Variants in CTTN observed in about 807,000 individuals in gnomAD.
CTTN encodes cortactin.
In CTTN, 28 loss-of-function variants were observed where a neutral mutation model predicts 84.0. That is an observed-to-expected ratio of 0.33 (90% CI 0.25 to 0.46). The LOEUF is 0.46. Among genes scored for constraint, CTTN ranks in the 20% least tolerant of loss-of-function variants. CTTN has a pLI of 1.00. For missense variants in CTTN, 641 were observed against 723.8 expected (o/e 0.89, Z 1.31); for synonymous variants, 301 against 288.8 (o/e 1.04, Z -0.43).
chr11:70,436,291 C>T lies in CTTN; in HGVS notation c.*1129C>T. The T allele has an allele frequency of 1.3e-6, 2 of 1,598,202 alleles. No homozygotes were observed. The highest frequency in any genetic ancestry group is 1.3e-5 in the African/African-American group (1 of 75,024). ...GCCACTCACTTTGTAGGAAACTCATCTCCTTCCTGAGGAGCCGGGAGGCTG... is the reference window on the plus strand; with the variant it reads ...GCCACTCACTTTGTAGGAAACTCATTTCCTTCCTGAGGAGCCGGGAGGCTG... On this transcript the variant is annotated 3_prime_UTR_variant, in exon 18 of 18. Coordinates refer to ENST00000301843, the MANE Select transcript of CTTN (RefSeq NM_005231.4).
Position 70,421,593 on chromosome 11 carries a change from C to A in CTTN, c.901+13C>A. 6.3e-7 allele frequency: 1 copy of A among 1,591,976 alleles called. No homozygotes were observed. Among genetic ancestry groups the A allele is most frequent in the Non-Finnish European group, 8.6e-7 (1 of 1,159,884 alleles). On this transcript the variant is annotated intron_variant, in intron 11 of 17. Transcript: ENST00000301843. ...GAGTCCCAGCAAGGCACAGTTGCCA[C>A]CAGCCTCCTACCCTCCCCCCGACCC...
intron 1 of CTTN, among the ~76,000 whole-genome samples, chr11:70,404,524 G>A (rs556644184): frequency 2.0e-5 from 3 of 151,928 alleles, no homozygotes; most frequent in South Asian, 4.2e-4. Flanking sequence ...TTTTCCTCCC[G>A]GCCATATCAT....
chr11:70,404,078 C>T (rs896439991), intron 1 of CTTN, among the ~76,000 whole-genome samples: 1 of 152,150 alleles, frequency 6.6e-6, no homozygotes, highest in Non-Finnish European at 1.5e-5. Flanking sequence ...AGATGCTTGC[C>T]GATTACACTA....
At chr11:70,416,956 AG>A in intron 7 of CTTN, 56 bp from the exon 8 acceptor site, 1 of 1,223,012 alleles carries the variant, frequency 8.2e-7, no homozygotes. Context: ...GTTTAACAAA[AG>A]GAACAGTGTA....
Position 70,419,739 on chromosome 11 carries a change from T to C in CTTN, c.569-7T>C. 6.2e-7 allele frequency: 1 copy of C among 1,604,840 alleles called. No individual in the cohort carries two copies. The highest frequency in any genetic ancestry group is 1.1e-5 in the South Asian group (1 of 88,686). On this transcript the variant is annotated splice_region_variant and splice_polypyrimidine_tract_variant and intron_variant, in intron 8 of 17. Transcript: ENST00000301843. The stretch of plus-strand genomic sequence containing the variant: ...TTTTAAAGTAGTCCTTTTTTGTTTG[T>C]TTTTAGATTACTCCAAAGGTTTCGG...
chr11:70,428,941 TA>T, intron 13 of CTTN, 109 bp from the exon 14 acceptor site: 1 of 1,337,256 alleles, frequency 7.5e-7, no homozygotes. Flanking sequence ...CCTTGGGGGT[TA>T]GGGGGATGAC....
chr11:70,422,486 G>T, intron 11 of CTTN: 1 of 1,280,014 alleles, frequency 7.8e-7, no homozygotes, highest in Non-Finnish European at 1.0e-6. Context: ...TTTCCACATG[G>T]ATTTTTTTTT....
rs566187090 is a variant in CTTN at position 70,421,549 on chromosome 11, G to A, written c.870G>A (p.Lys290=). 3.7e-6 allele frequency: 6 copies of A among 1,614,156 alleles called. No homozygotes were observed. In the East Asian group the frequency reaches 1.1e-4, roughly 30 times the overall value. The change falls in exon 11 of 18, where the codon AAG becomes AAA. Residue 290 remains lysine (K), a synonymous_variant. Transcript: ENST00000301843. The part of the protein sequence containing the change: ...QDSAAVGFDY[K]EKLAKHESQQ... ...CCGCTGCTGTGGGGTTTGATTACAAGGAGAAGCTGGCCAAGCACGAGTCCC... is the reference window on the plus strand; with the variant it reads ...CCGCTGCTGTGGGGTTTGATTACAAAGAGAAGCTGGCCAAGCACGAGTCCC...
At chr11:70,424,701 C>T (rs2058281251) in intron 12 of CTTN, among the ~76,000 whole-genome samples, 1 of 151,890 alleles carries the variant, frequency 6.6e-6, no homozygotes, top group African/African-American at 2.4e-5. Flanking sequence ...CGAGGAAGGA[C>T]AGGCGGGCCA....
intron 1 of CTTN, among the ~76,000 whole-genome samples, chr11:70,400,988 G>A (rs761531599): frequency 2.0e-5 from 3 of 152,212 alleles, no homozygotes; most frequent in African/African-American, 4.8e-5. Flanking sequence ...TGCCATAGAT[G>A]CTGAGGCTAA....
At position 70,401,879 on chromosome 11, in the gene CTTN, G is replaced by A. The variant is rs192786286; in HGVS notation, c.-98+3265G>A. On this transcript the variant is annotated intron_variant, in intron 1 of 17. Coordinates refer to ENST00000301843, the MANE Select transcript of CTTN (RefSeq NM_005231.4). ...AGGCTGGTGGGGGGCTTTTAGGCGC[G>A]GTGGTTCGTGCCTGTAATCCCAGCA... 4.2e-4 allele frequency among the ~76,000 whole-genome samples: 64 copies of A among 152,024 alleles called. No individual in the cohort carries two copies. In the Middle Eastern group the frequency reaches 0.01, roughly 24 times the overall value.
chr11:70,413,782 A>G (rs913146066), intron 5 of CTTN, among the ~76,000 whole-genome samples: 3 of 152,172 alleles, frequency 2.0e-5, no homozygotes, highest in Non-Finnish European at 2.9e-5. Context: ...CTTGCAGACT[A>G]TTTTTGTTTA....
rs759643721 is a variant in CTTN at position 70,435,182 on chromosome 11, G to A, written c.*20G>A. 6.3e-7 allele frequency: 1 copy of A among 1,595,918 alleles called. No individual in the cohort carries two copies. The highest frequency in any genetic ancestry group is 8.5e-7 in the Non-Finnish European group (1 of 1,173,256). ...CAGTAGGGCCCCCAGCCCCCCCCCG[G>A]AGCTGCGCCCTGGATCCTCACACTA... On this transcript the variant is annotated 3_prime_UTR_variant, in exon 18 of 18. Transcript: ENST00000301843.
At chr11:70,425,781 G>A (rs977982916) in intron 13 of CTTN, among the ~76,000 whole-genome samples, 3 of 152,198 alleles carry the variant, frequency 2.0e-5, no homozygotes, top group African/African-American at 7.2e-5. Context: ...ACATCATGAC[G>A]TCGATGTGCA....
intron 15 of CTTN, 137 bp from the exon 16 acceptor site, chr11:70,432,964 A>T: frequency 2.2e-6 from 2 of 893,390 alleles, no homozygotes; most frequent in African/African-American, 1.7e-5. Flanking sequence ...GCCTTCCTAT[A>T]CCGCGTCTGT....
rs192809533 is a variant in CTTN at position 70,435,178 on chromosome 11, C to A, written c.*16C>A. The A allele has an allele frequency of 7.1e-4, 1,140 of 1,598,550 alleles. 3 individuals carry two copies. Among genetic ancestry groups the A allele is most frequent in the African/African-American group, 4.9e-3 (370 of 74,778 alleles). ...GCGGCAGTAGGGCCCCCAGCCCCCC[C>A]CCGGAGCTGCGCCCTGGATCCTCAC... On this transcript the variant is annotated 3_prime_UTR_variant, in exon 18 of 18. Transcript: ENST00000301843.
At chr11:70,412,515 T>A (rs1199479517) in intron 5 of CTTN, among the ~76,000 whole-genome samples, 2 of 151,742 alleles carry the variant, frequency 1.3e-5, no homozygotes, top group East Asian at 3.9e-4. Flanking sequence ...AAAAAAAAAA[T>A]AAAAAATTGA....
chr11:70,402,730 T>C (rs1455861185), intron 1 of CTTN, among the ~76,000 whole-genome samples: 1 of 152,220 alleles, frequency 6.6e-6, no homozygotes, highest in East Asian at 1.9e-4. Context: ...TATCTATCAG[T>C]TGATGGACAT....
In CTTN at chr11:70,419,839, A is replaced by G. The variant is rs771086470; in HGVS notation, c.662A>G (p.Lys221Arg). The stretch of plus-strand genomic sequence containing the variant: ...TTTGAGTATCAAGGCAAAACGGAGA[A>G]GCACGAGTCCCAGAAAGGTGTCTTC... ...VGFEYQGKTE[K>R]HESQKDYVKG... is the part of the protein sequence containing the mutation. The change falls in exon 9 of 18, where the codon AAG becomes AGG. Residue 221 changes from lysine to arginine, a missense_variant. Physicochemically the swap from Lys to Arg is conservative, Grantham distance 26 (BLOSUM62 2). This residue lies in a region of CTTN where 284 missense variants were observed against 348.4 expected (regional missense o/e 0.82). Transcript: ENST00000301843. The G allele has an allele frequency of 4.3e-6, 7 of 1,613,338 alleles. No individual in the cohort carries two copies. The Admixed American group carries it at 1.0e-4, about 23-fold the overall frequency.
Sources: gnomAD v4.1 joint callset for allele counts (sites outside exome capture counted in the v4.1 genomes callset) on GRCh38, gnomAD v4.1.1 for gene constraint, gnomAD v4.1.1 regional missense constraint, MANE v1.5 for transcripts, NCBI Gene and HGNC (gene_info 2026-07-23, HGNC 2026-07-21) for gene names.